IL6: variants seen among roughly 807,000 people sequenced by gnomAD.
IL6 encodes the protein interleukin 6, also known as interleukin-6.
A neutral mutation model predicts 18.0 loss-of-function variants in IL6; 5 were observed. The ratio of observed to expected loss-of-function variants is 0.28; its 90% CI spans 0.15 to 0.58. The LOEUF (loss-of-function observed/expected upper bound fraction) is 0.58, where lower values mean the gene tolerates loss of function less well. Among genes scored for constraint, IL6 ranks in the 20% least tolerant of loss-of-function variants. The probability of loss-of-function intolerance (pLI) is 0.90; values close to 1 mark genes in which losing one functional copy is unlikely to be tolerated. For synonymous variants in IL6, 97 were observed against 95.1 expected, an observed-to-expected ratio of 1.02 and a Z score of -0.12; for missense variants, 266 against 251.0, an observed-to-expected ratio of 1.06 and a Z score of -0.40.
Position 22,731,665 on chromosome 7 carries a change from G to A in IL6, c.*92G>A, listed in dbSNP as rs199652344. ...GCACAGAACTTATGTTGTTCTCTAT[G>A]GAGAACTAAAAGTATGAGCGTTAGG... On this transcript the variant is annotated 3_prime_UTR_variant, in exon 5 of 5. Transcript: ENST00000258743. 1.1e-4 allele frequency: 92 copies of A among 842,146 alleles called. No individual in the cohort carries two copies. Among genetic ancestry groups the A allele is most frequent in the Non-Finnish European group, 1.5e-4 (92 of 601,858 alleles). The allele number at this position is 842,146 out of a possible 1,614,324, so 52.2% of individuals were successfully genotyped here.
chr7:22,727,329 C>T (rs755658631), intron 1 of IL6, 48 bp downstream of exon 1: 2 of 1,613,960 alleles, frequency 1.2e-6, no homozygotes, highest in Non-Finnish European at 1.7e-6. Flanking sequence ...GGCGGTCGAG[C>T]CCTGTGTGAG....
Position 22,728,789 on chromosome 7 carries a change from C to A in IL6, c.307C>A (p.Gln103Lys). Residue 103 changes from glutamine to lysine, a missense_variant, in exon 3 of 5, where the codon CAA becomes AAA. Transcript: ENST00000258743. The part of the protein sequence containing the change: ...PKMAEKDGCF[Q>K]SGFNEETCLV... ...GATGGCTGAAAAAGATGGATGCTTCCAATCTGGATTCAATGAGGTACCAAC... is the reference window on the plus strand; with the variant it reads ...GATGGCTGAAAAAGATGGATGCTTCAAATCTGGATTCAATGAGGTACCAAC... 6.2e-7 allele frequency: 1 copy of A among 1,607,492 alleles called. No homozygotes were observed. Among genetic ancestry groups the A allele is most frequent in the Non-Finnish European group, 8.5e-7 (1 of 1,173,978 alleles).
At chr7:22,728,045 C>G (rs2069833) in intron 2 of IL6, among the ~76,000 whole-genome samples, 7 of 152,168 alleles carry the variant, frequency 4.6e-5, no homozygotes, top group African/African-American at 1.7e-4. Context: ...AACTCAATGG[C>G]TAGGATTCCT....
intron 4 of IL6, among the ~76,000 whole-genome samples, chr7:22,731,165 G>A (rs1268587691): frequency 2.6e-5 from 4 of 151,892 alleles, no homozygotes; most frequent in African/African-American, 7.2e-5. Context: ...TTGAACCCAG[G>A]AGGCAGAGGT....
At chr7:22,730,412 T>A in intron 4 of IL6, 1 of 327,580 alleles carries the variant, frequency 3.1e-6, no homozygotes, top group Non-Finnish European at 4.4e-6. Context: ...CAGGCTTATA[T>A]CCCTGGTGAT....
rs1784129096 is a variant in IL6, at chr7:22,731,723, T to C, written c.*150T>C. On this transcript the variant is annotated 3_prime_UTR_variant, in exon 5 of 5. Transcript: ENST00000258743. Reference sequence around the variant, plus strand: ...TTTAATTATTTTTAATTTATTAATATTTAAATATGTGAAGCTGAGTTAATT... The same window carrying C: ...TTTAATTATTTTTAATTTATTAATACTTAAATATGTGAAGCTGAGTTAATT... 1 of 387,360 alleles carries C rather than the reference T, an allele frequency of 2.6e-6. No individual in the cohort carries two copies. Among genetic ancestry groups the C allele is most frequent in the African/African-American group, 2.1e-5 (1 of 48,156 alleles). The allele number at this position is 387,360 out of a possible 1,614,324, so 24.0% of individuals were successfully genotyped here. A position where few individuals can be genotyped will look rare whatever the true frequency, so the allele number is the denominator to read the frequency against.
In IL6 at chr7:22,731,600, A is replaced by G. The variant is rs201868479; in HGVS notation, c.*27A>G. On this transcript the variant is annotated 3_prime_UTR_variant, in exon 5 of 5. Transcript: ENST00000258743. ...ATGGGCACCTCAGATTGTTGTTGTT[A>G]ATGGGCATTCCTTCTTCTGGTCAGA... The G allele has an allele frequency of 2.0e-5, 31 of 1,541,586 alleles. No individual in the cohort carries two copies. Among genetic ancestry groups the G allele is most frequent in the Non-Finnish European group, 2.6e-5 (30 of 1,132,546 alleles).
At chr7:22,728,481 G>C (rs1036939657) in intron 2 of IL6, 6 of 538,266 alleles carry the variant, frequency 1.1e-5, no homozygotes, top group Non-Finnish European at 2.0e-5. Flanking sequence ...TGAGACTCAG[G>C]ATTAAGTAAC....
chr7:22,730,460 C>T (rs1454242979), intron 4 of IL6: 7 of 179,590 alleles, frequency 3.9e-5, no homozygotes, highest in Non-Finnish European at 7.5e-5. Context: ...AGGTTTAAGG[C>T]CTTCCACAAG....
rs202198528 is a variant in IL6 at position 22,731,636 on chromosome 7, C to T, written c.*63C>T. On this transcript the variant is annotated 3_prime_UTR_variant, in exon 5 of 5. Coordinates refer to ENST00000258743, the MANE Select transcript of IL6 (RefSeq NM_000600.5). ...CTTCTTCTGGTCAGAAACCTGTCCACTGGGCACAGAACTTATGTTGTTCTC... is the reference window on the plus strand; with the variant it reads ...CTTCTTCTGGTCAGAAACCTGTCCATTGGGCACAGAACTTATGTTGTTCTC... 8.5e-6 allele frequency: 11 copies of T among 1,301,534 alleles called. No homozygotes were observed. The highest frequency in any genetic ancestry group is 6.7e-5 in the Admixed American group (3 of 44,796). 80.6% of individuals were successfully genotyped at this position (1,301,534 alleles called of 1,614,324 possible).
At chr7:22,730,212 A>G in intron 4 of IL6, 1 of 985,414 alleles carries the variant, frequency 1.0e-6, no homozygotes, top group Non-Finnish European at 1.2e-6. Flanking sequence ...GCTGGCTAGC[A>G]TGTGGAGGAG....
At position 22,727,648 on chromosome 7, in the gene IL6, G is replaced by A. The variant is rs201983550; in HGVS notation, c.210+14G>A. Reference sequence around the variant, plus strand: ...CTGAGAAAGGAGGTGGGTAGGCTTGGCGATGGGGTTGAAGGGCCCGGTGCG... The same window carrying A: ...CTGAGAAAGGAGGTGGGTAGGCTTGACGATGGGGTTGAAGGGCCCGGTGCG... On this transcript the variant is annotated intron_variant, in intron 2 of 4. Coordinates refer to ENST00000258743, the MANE Select transcript of IL6 (RefSeq NM_000600.5). The A allele has an allele frequency of 1.3e-6, 2 of 1,535,146 alleles. No individual in the cohort carries two copies. Among genetic ancestry groups the A allele is most frequent in the African/African-American group, 1.4e-5 (1 of 72,346 alleles).
chr7:22,729,460 A>G (rs1462148632), intron 3 of IL6, 54 bp from the exon 4 acceptor site: 4 of 1,558,884 alleles, frequency 2.6e-6, no homozygotes, highest in East Asian at 4.5e-5. Context: ...TTAACTTTTC[A>G]AATTGATTCT....
intron 4 of IL6, among the ~76,000 whole-genome samples, chr7:22,730,880 T>C (rs1784112386): frequency 1.3e-5 from 2 of 151,586 alleles, no homozygotes; most frequent in Admixed American, 1.3e-4. Context: ...ACAAAAATGA[T>C]AGTGGTGCTT....
chr7:22,727,410 A>C (rs1271679269), intron 1 of IL6, 34 bp from the exon 2 acceptor site: 2 of 1,613,416 alleles, frequency 1.2e-6, no homozygotes, highest in Admixed American at 3.3e-5. Context: ...CTGTGCTGTC[A>C]GCTCACCCCT....
At chr7:22,727,719 TAGG>T (rs929614207) in intron 2 of IL6, 85 bp downstream of exon 2, 59 of 1,448,624 alleles carry the variant, frequency 4.1e-5, no homozygotes, top group Admixed American at 3.8e-4. Context: ...CTGCCTGCAT[TAGG>T]AGGTCTTTGC....
At position 22,731,853 on chromosome 7, in the gene IL6, T is replaced by C. The variant is rs1784131669; in HGVS notation, c.*280T>C. ...GGCTATGCAGTTTGAATATCCTTTG[T>C]TTCAGAGCCAGATCATTTCTTGGAA... On this transcript the variant is annotated 3_prime_UTR_variant, in exon 5 of 5. Transcript: ENST00000258743. 5.8e-6 allele frequency: 1 copy of C among 171,074 alleles called. No individual in the cohort carries two copies. The highest frequency in any genetic ancestry group is 1.2e-5 in the Non-Finnish European group (1 of 81,066). 10.6% of individuals were successfully genotyped at this position (171,074 alleles called of 1,614,324 possible). A position where few individuals can be genotyped will look rare whatever the true frequency, so the allele number is the denominator to read the frequency against.
intron 1 of IL6, 27 bp downstream of exon 1, chr7:22,727,308 G>A: frequency 6.2e-7 from 1 of 1,614,062 alleles, no homozygotes; most frequent in Middle Eastern, 1.7e-4. Context: ...CTTAGCCCTG[G>A]AACTGCCAGC....
At chr7:22,728,310 G>A (rs1212892047) in intron 2 of IL6, among the ~76,000 whole-genome samples, 1 of 152,194 alleles carries the variant, frequency 6.6e-6, no homozygotes, top group Non-Finnish European at 1.5e-5. Context: ...TGATCTCATA[G>A]ATCCTTCCTG....
Sources: allele counts gnomAD v4.1 joint callset (sites outside exome capture counted in the v4.1 genomes callset), GRCh38; gene constraint gnomAD v4.1.1; transcripts MANE v1.5; gene names NCBI Gene and HGNC (gene_info 2026-07-23, HGNC 2026-07-21).